GRIN2B: variants seen among roughly 807,000 people sequenced by gnomAD.
The protein encoded by GRIN2B is glutamate ionotropic receptor NMDA type subunit 2B.
In GRIN2B, 5 loss-of-function variants were observed where a neutral mutation model predicts 114.5. That is an observed-to-expected ratio of 0.04 (90% CI 0.02 to 0.09). The LOEUF (loss-of-function observed/expected upper bound fraction) is 0.09. GRIN2B is among the 10% of genes least tolerant of loss of function. GRIN2B has a pLI of 1.00. For synonymous variants in GRIN2B, 787 were observed against 745.1 expected, an observed-to-expected ratio of 1.06 and a Z score of -0.92; for missense variants, 1,108 against 1,943.5, an observed-to-expected ratio of 0.57 and a Z score of 8.08.
chr12:13,688,478 G>C (rs1950189320), intron 4 of GRIN2B, among the ~76,000 whole-genome samples: 1 of 152,138 alleles, frequency 6.6e-6, no homozygotes, highest in Non-Finnish European at 1.5e-5. Flanking sequence ...AGTCTCTAAG[G>C]GCTGTCAATC....
At position 13,937,743 on chromosome 12, in the gene GRIN2B, T is replaced by C. The variant is rs541858983; in HGVS notation, c.-19+42185A>G. On this transcript the variant is annotated intron_variant, in intron 2 of 13. Transcript: ENST00000609686. ...TTCTATAATTTACAGAAGATAACAC[T>C]GTTTATTAAGACAAAAATGATTATA... Among the ~76,000 whole-genome samples the C allele has an allele frequency of 2.2e-4, 33 of 152,244 alleles. No homozygotes were observed. In the South Asian group the frequency reaches 6.6e-3, roughly 31 times the overall value.
chr12:13,973,602 T>C (rs1862968165), intron 2 of GRIN2B, among the ~76,000 whole-genome samples: 1 of 152,152 alleles, frequency 6.6e-6, no homozygotes, highest in African/African-American at 2.4e-5. Flanking sequence ...GCCTCATCAC[T>C]GTGCCTCCCC....
chr12:13,922,020 T>C (rs765220000), intron 2 of GRIN2B, among the ~76,000 whole-genome samples: 2 of 152,210 alleles, frequency 1.3e-5, no homozygotes, highest in Non-Finnish European at 2.9e-5. Flanking sequence ...AGTGTTATTA[T>C]ACCTATTTCT....
intron 3 of GRIN2B, among the ~76,000 whole-genome samples, chr12:13,838,534 C>T (rs377699336): frequency 4.6e-5 from 7 of 152,286 alleles, no homozygotes; most frequent in East Asian, 1.9e-4. Context: ...CTGATTACAG[C>T]GCCAACCTTC....
At chr12:13,966,258 T>C (rs572726361) in intron 2 of GRIN2B, among the ~76,000 whole-genome samples, 8 of 152,296 alleles carry the variant, frequency 5.3e-5, no homozygotes, top group Admixed American at 2.0e-4. Flanking sequence ...GAGAAAGCTA[T>C]TGACACACTA....
At chr12:13,832,373 T>C (rs1392921981) in intron 3 of GRIN2B, among the ~76,000 whole-genome samples, 2 of 152,168 alleles carry the variant, frequency 1.3e-5, no homozygotes, top group African/African-American at 4.8e-5. Flanking sequence ...CCTTATCCTC[T>C]GAAATATACC....
rs564234441 is a variant in GRIN2B at position 13,589,853 on chromosome 12, G to A, written c.2011-17889C>T. Reference sequence around the variant, plus strand: ...TCAGGAACTAAAACCACTGGGACTCGGCCTCTCCCAAACTCACATCTAACT... The same window carrying A: ...TCAGGAACTAAAACCACTGGGACTCAGCCTCTCCCAAACTCACATCTAACT... On this transcript the variant is annotated intron_variant, in intron 10 of 13. Coordinates refer to ENST00000609686, the MANE Select transcript of GRIN2B (RefSeq NM_000834.5). Among the ~76,000 whole-genome samples the A allele has an allele frequency of 5.3e-5, 8 of 152,158 alleles. No individual in the cohort carries two copies. In the South Asian group the frequency reaches 1.5e-3, roughly 28 times the overall value.
chr12:13,954,493 C>A (rs1867550178), intron 2 of GRIN2B, among the ~76,000 whole-genome samples: 1 of 152,058 alleles, frequency 6.6e-6, no homozygotes, highest in African/African-American at 2.4e-5. Context: ...TGGCCATCTG[C>A]AGACTGAGTC....
chr12:13,633,285 C>T (rs969159375), intron 5 of GRIN2B, among the ~76,000 whole-genome samples: 2 of 152,252 alleles, frequency 1.3e-5, no homozygotes, highest in Non-Finnish European at 2.9e-5. Context: ...TCAGGCATCT[C>T]TCCAGAACTA....
chr12:13,872,046 T>A (rs76813137), intron 2 of GRIN2B, among the ~76,000 whole-genome samples: 1 of 152,072 alleles, frequency 6.6e-6, no homozygotes, highest in Non-Finnish European at 1.5e-5. Context: ...CAGATGGTTT[T>A]ATAGATTAAG....
intron 4 of GRIN2B, among the ~76,000 whole-genome samples, chr12:13,724,039 G>C (rs1413187478): frequency 3.9e-5 from 6 of 152,080 alleles, no homozygotes; most frequent in Non-Finnish European, 1.5e-5. Context: ...AGTAAGAGAG[G>C]ATTTTCCTGA....
At chr12:13,871,289 AT>A (rs1000990013) in intron 2 of GRIN2B, among the ~76,000 whole-genome samples, 3 of 152,042 alleles carry the variant, frequency 2.0e-5, no homozygotes, top group African/African-American at 7.2e-5. Context: ...GATTAAAAAA[AT>A]CAATATGAAA....
intron 2 of GRIN2B, among the ~76,000 whole-genome samples, chr12:13,872,488 C>T (rs1376301917): frequency 6.6e-6 from 1 of 150,862 alleles, no homozygotes; most frequent in Non-Finnish European, 1.5e-5. Flanking sequence ...AACTAAAACA[C>T]AGTATATTTT....
intron 5 of GRIN2B, among the ~76,000 whole-genome samples, chr12:13,621,293 C>G (rs1033581887): frequency 6.6e-6 from 1 of 152,080 alleles, no homozygotes; most frequent in Non-Finnish European, 1.5e-5. Context: ...GTCTACAATC[C>G]TAGAAGTGCA....
Position 13,563,630 on chromosome 12 carries a change from T to C in GRIN2B, c.3608A>G (p.Asn1203Ser). The change falls in exon 14 of 14, where the codon AAC (asparagine) becomes AGC (serine). Residue 1203 changes from asparagine (N) to serine (S), a missense_variant. By Grantham distance (46) the Asn-to-Ser change is conservative. Transcript: ENST00000609686. ...VPAPWEKNLT[N>S]VEWEDRSGGN... ...CCCGGACCGGTCCTCCCACTCCACG[T>C]TGGTCAGGTTCTTCTCCCAAGGTGC... 2 of 1,613,890 alleles carry C rather than the reference T, an allele frequency of 1.2e-6. No homozygotes were observed. The highest frequency in any genetic ancestry group is 1.7e-6 in the Non-Finnish European group (2 of 1,180,008).
intron 3 of GRIN2B, among the ~76,000 whole-genome samples, chr12:13,844,399 C>T (rs987814746): frequency 6.6e-6 from 1 of 152,178 alleles, no homozygotes. Context: ...ATACCCATAG[C>T]TTCTTTTTCT....
At chr12:13,814,151 T>C (rs531178735) in intron 3 of GRIN2B, among the ~76,000 whole-genome samples, 40 of 152,366 alleles carry the variant, frequency 2.6e-4, no homozygotes, top group Middle Eastern at 3.4e-3. Context: ...CTAGGGAATC[T>C]GCAAAGTGTT....
intron 2 of GRIN2B, among the ~76,000 whole-genome samples, chr12:13,931,937 C>T (rs1867041721): frequency 6.6e-6 from 1 of 152,118 alleles, no homozygotes. Flanking sequence ...ACCTAAGTGT[C>T]TCTCTCCCTT....
rs1948480704 is a variant in GRIN2B, at chr12:13,556,485, C to T, written c.*6298G>A. 6.6e-6 allele frequency: 1 copy of T among 152,068 alleles called. No homozygotes were observed. The highest frequency in any genetic ancestry group is 2.4e-5 in the African/African-American group (1 of 41,416). 9.4% of individuals were successfully genotyped at this position (152,068 alleles called of 1,614,324 possible). On this transcript the variant is annotated 3_prime_UTR_variant, in exon 14 of 14. Transcript: ENST00000609686. ...GTTTAATTAAACTCACATATTTAAC[C>T]AGAGAGCTTTTATTTTTTTCTCCTG...
Sources: allele counts gnomAD v4.1 joint callset (sites outside exome capture counted in the v4.1 genomes callset), GRCh38; gene constraint gnomAD v4.1.1; transcripts MANE v1.5; gene names NCBI Gene and HGNC (gene_info 2026-07-23, HGNC 2026-07-21).